Variants in CEP135 observed in about 807,000 individuals in gnomAD.
CEP135 encodes the protein centrosomal protein 135.
In CEP135, 142 loss-of-function variants were observed where a neutral mutation model predicts 157.3. The ratio of observed to expected loss-of-function variants is 0.90; its 90% confidence interval spans 0.79 to 1.04. CEP135 has a LOEUF of 1.04. CEP135 is among the 50% of genes least tolerant of loss of function. The pLI is 0.00. For missense variants in CEP135, 1,317 were observed against 1,309.2 expected, an observed-to-expected ratio of 1.01 and a Z score of -0.09; for synonymous variants, 396 against 439.8, an observed-to-expected ratio of 0.90 and a Z score of 1.25.
chr4:56,018,048 C>A (rs527241585), intron 22 of CEP135, among the ~76,000 whole-genome samples, 191 bp downstream of exon 22: 1 of 152,100 alleles, frequency 6.6e-6, no homozygotes, highest in East Asian at 1.9e-4. Flanking sequence ...ACCACAACTT[C>A]CGCCTCCTGG....
chr4:56,008,235 G>A, intron 17 of CEP135, 92 bp from the exon 18 acceptor site: 2 of 850,578 alleles, frequency 2.4e-6, no homozygotes, highest in African/African-American at 1.7e-5. Flanking sequence ...TAATTGAGCT[G>A]TGTATTTGAA....
intron 25 of CEP135, among the ~76,000 whole-genome samples, chr4:56,025,743 G>A (rs1731137610): frequency 6.6e-6 from 1 of 152,102 alleles, no homozygotes; most frequent in Non-Finnish European, 1.5e-5. Context: ...TATGAAATGA[G>A]CAGTATAATA....
Position 55,952,091 on chromosome 4 carries a change from T to G in CEP135, c.-40T>G. 2.9e-6 allele frequency: 3 copies of G among 1,035,934 alleles called. No individual in the cohort carries two copies. Among genetic ancestry groups the G allele is most frequent in the Non-Finnish European group, 4.4e-6 (3 of 678,224 alleles). 64.2% of individuals were successfully genotyped at this position (1,035,934 alleles called of 1,614,324 possible). A position where few individuals can be genotyped will look rare whatever the true frequency, so the allele number is the denominator to read the frequency against. ...GTTTCATTCTTTTCTCTCAGGACTT[T>G]AATTTTTGGAAGTGAATAAAACTTG... On this transcript the variant is annotated 5_prime_UTR_variant, in exon 2 of 26. The change abolishes the stop of an existing upstream ORF in the 5' untranslated region. Coordinates refer to ENST00000257287, the MANE Select transcript of CEP135 (RefSeq NM_025009.5).
chr4:56,021,246 G>C (rs1216103268), intron 24 of CEP135, among the ~76,000 whole-genome samples: 4 of 151,936 alleles, frequency 2.6e-5, no homozygotes, highest in African/African-American at 9.7e-5. Flanking sequence ...TAACAAATGT[G>C]GACCAGACAC....
At chr4:55,965,336 C>T (rs1577870924) in intron 7 of CEP135, 1 of 205,274 alleles carries the variant, frequency 4.9e-6, no homozygotes. Context: ...CTAGAGGCTA[C>T]TATATTGAAC....
chr4:56,017,932 C>T (rs1730836903), intron 22 of CEP135, 75 bp downstream of exon 22: 5 of 1,227,648 alleles, frequency 4.1e-6, no homozygotes, highest in African/African-American at 1.5e-5. Flanking sequence ...GTATTCACCA[C>T]ACCATGCATA....
At chr4:56,021,277 C>T (rs1262773998) in intron 24 of CEP135, among the ~76,000 whole-genome samples, 1 of 151,984 alleles carries the variant, frequency 6.6e-6, no homozygotes, top group Non-Finnish European at 1.5e-5. Context: ...TCTGATGAAT[C>T]CCACCAACAA....
At position 55,971,348 on chromosome 4, in the gene CEP135, C is replaced by T. The variant is rs781746934; in HGVS notation, c.1189C>T (p.His397Tyr). 8 of 1,606,000 alleles carry T rather than the reference C, an allele frequency of 5.0e-6. No individual in the cohort carries two copies. The highest frequency in any genetic ancestry group is 1.1e-5 in the South Asian group (1 of 89,752). Reference protein sequence around the residue: ...LVKSDLETVVHQLEQEKQRLS... With the variant: ...LVKSDLETVVYQLEQEKQRLS... ...AAAATCAGACCTAGAAACTGTTGTT[C>T]ATCAGCTTGAACAAGAAAAGCAAAG... The change falls in exon 10 of 26, where the codon CAT becomes TAT. Residue 397 changes from histidine to tyrosine, a missense_variant. His to Tyr is a moderately conservative substitution (Grantham distance 83, BLOSUM62 2). Coordinates refer to ENST00000257287, the MANE Select transcript of CEP135 (RefSeq NM_025009.5).
chr4:55,971,546 G>A, intron 10 of CEP135, 138 bp downstream of exon 10: 1 of 830,718 alleles, frequency 1.2e-6, no homozygotes. Flanking sequence ...AACCATAGTA[G>A]TTACTGTAGA....
chr4:56,031,885 T>C lies in CEP135; in HGVS notation c.*537T>C, dbSNP rs1731363632. On this transcript the variant is annotated 3_prime_UTR_variant, in exon 26 of 26. Transcript: ENST00000257287. ...TCAAGGGGAATATATTCAGGTCTAGTCTTCTTATAATAGCAGAGGTCTTGG... is the reference window on the plus strand; with the variant it reads ...TCAAGGGGAATATATTCAGGTCTAGCCTTCTTATAATAGCAGAGGTCTTGG... The C allele has an allele frequency of 6.6e-6, 1 of 152,212 alleles. No homozygotes were observed. Among genetic ancestry groups the C allele is most frequent in the Non-Finnish European group, 1.5e-5 (1 of 68,030 alleles). 9.4% of individuals were successfully genotyped at this position (152,212 alleles called of 1,614,324 possible).
intron 25 of CEP135, among the ~76,000 whole-genome samples, 158 bp downstream of exon 25, chr4:56,024,772 T>C (rs148290432): frequency 1.3e-4 from 20 of 152,044 alleles, no homozygotes; most frequent in African/African-American, 4.8e-4. Context: ...ATAGTAGTTA[T>C]GTGGGTATAT....
chr4:55,965,185 T>C (rs566554712), intron 7 of CEP135: 1 of 152,660 alleles, frequency 6.6e-6, no homozygotes, highest in Admixed American at 6.5e-5. Context: ...GTCCAAAATA[T>C]TATAATTTCA....
At chr4:56,002,894 A>G (rs190281220) in intron 17 of CEP135, among the ~76,000 whole-genome samples, 1 of 152,234 alleles carries the variant, frequency 6.6e-6, no homozygotes, top group East Asian at 1.9e-4. Flanking sequence ...TACAGCTTCT[A>G]TCTTATTACA....
chr4:56,014,678 A>C (rs1292631969), intron 21 of CEP135, among the ~76,000 whole-genome samples: 2 of 152,184 alleles, frequency 1.3e-5, no homozygotes, highest in Non-Finnish European at 2.9e-5. Context: ...TGTTACTTAC[A>C]GTAAAATATG....
chr4:56,010,314 A>G (rs1730533948), intron 19 of CEP135, among the ~76,000 whole-genome samples: 1 of 148,712 alleles, frequency 6.7e-6, no homozygotes, highest in East Asian at 2.0e-4. Flanking sequence ...GTGAGCCGAG[A>G]TCGTGCCACT....
intron 10 of CEP135, 56 bp from the exon 11 acceptor site, chr4:55,974,690 C>A: frequency 7.8e-7 from 1 of 1,281,426 alleles, no homozygotes; most frequent in Non-Finnish European, 1.1e-6. Flanking sequence ...ATTTACTTGA[C>A]TAATCAACAT....
chr4:55,975,116 G>A, intron 11 of CEP135, 147 bp downstream of exon 11: 1 of 563,406 alleles, frequency 1.8e-6, no homozygotes, highest in Non-Finnish European at 3.1e-6. Flanking sequence ...CTGCACTATA[G>A]GAACACTACA....
chr4:56,007,454 A>G (rs1044634207), intron 17 of CEP135, among the ~76,000 whole-genome samples: 1 of 152,176 alleles, frequency 6.6e-6, no homozygotes, highest in South Asian at 2.1e-4. Context: ...TACCTCCTAC[A>G]GCATGTTGTT....
intron 1 of CEP135, among the ~76,000 whole-genome samples, chr4:55,951,356 ATG>A: frequency 6.6e-6 from 1 of 152,230 alleles, no homozygotes. Context: ...CCTGTCAGCA[ATG>A]TGTGAAGATT....
Sources: gnomAD v4.1 joint callset for allele counts (sites outside exome capture counted in the v4.1 genomes callset) on GRCh38, gnomAD v4.1.1 for gene constraint, MANE v1.5 for transcripts, NCBI Gene and HGNC (gene_info 2026-07-23, HGNC 2026-07-21) for gene names.